TBKBP1: variants seen among roughly 807,000 people sequenced by gnomAD.
TBKBP1 encodes TANK-binding kinase 1-binding protein 1.
In TBKBP1, 47 loss-of-function variants were observed where a neutral mutation model predicts 69.9. That is an observed-to-expected ratio of 0.67 (90% confidence interval 0.53 to 0.86). The LOEUF (loss-of-function observed/expected upper bound fraction) is 0.86, where lower values mean the gene tolerates loss of function less well. Ranked by LOEUF, TBKBP1 falls within the 40% of genes least tolerant of loss-of-function variation. TBKBP1 has a pLI of 0.00. For synonymous variants in TBKBP1, 418 were observed against 390.3 expected, an observed-to-expected ratio of 1.07 and a Z score of -0.84; for missense variants, 831 against 858.6, an observed-to-expected ratio of 0.97 and a Z score of 0.40.
Position 47,698,732 on chromosome 17 carries a change from C to A in TBKBP1, c.591C>A (p.Asp197Glu). 6.3e-7 allele frequency: 1 copy of A among 1,599,652 alleles called. No individual in the cohort carries two copies. The highest frequency in any genetic ancestry group is 1.3e-5 in the African/African-American group (1 of 74,596). Residue 197 changes from aspartate to glutamate, a missense_variant, in exon 5 of 10, where the codon GAC becomes GAA. Asp to Glu is a conservative substitution (Grantham distance 45, BLOSUM62 2). Transcript: ENST00000578982. ...PAPAPPCTDL[D>E]LHYLALRGGS... ...CCGCCCCTCCCTGCACTGATTTAGA[C>A]CTGCACTACCTGGCACTGAGAGGGG... is the stretch of plus-strand genomic sequence containing the variant.
intron 4 of TBKBP1, among the ~76,000 whole-genome samples, chr17:47,698,101 C>CGTT (rs1397745099): frequency 6.6e-5 from 10 of 151,992 alleles, no homozygotes; most frequent in African/African-American, 2.2e-4. Flanking sequence ...GGTGATGGGG[C>CGTT]ATTCATGTAT....
Position 47,708,529 on chromosome 17 carries a change from C to T in TBKBP1, c.991+17C>T. Reference sequence around the variant, plus strand: ...GGAGTGGCGGTGAGATGGGGCAGGGCAGGGGGAGGCAGCCGCGGGACCCGG... The same window carrying T: ...GGAGTGGCGGTGAGATGGGGCAGGGTAGGGGGAGGCAGCCGCGGGACCCGG... On this transcript the variant is annotated intron_variant, in intron 8 of 9. Coordinates refer to ENST00000578982, the MANE Select transcript of TBKBP1 (RefSeq NM_001394755.1). The surrounding 1 kb of genome is among the most constrained non-coding windows in gnomAD (Gnocchi z 4.4). 1 of 1,611,508 alleles carries T rather than the reference C, an allele frequency of 6.2e-7. No individual in the cohort carries two copies. Among genetic ancestry groups the T allele is most frequent in the Non-Finnish European group, 8.5e-7 (1 of 1,178,222 alleles).
chr17:47,701,523 A>G (rs903005848), intron 7 of TBKBP1, among the ~76,000 whole-genome samples: 2 of 152,254 alleles, frequency 1.3e-5, no homozygotes, highest in African/African-American at 4.8e-5. Flanking sequence ...AAGGGAGGAC[A>G]TTTTGGTGGG....
At position 47,697,070 on chromosome 17, in the gene TBKBP1, C is replaced by A. The variant is rs759462548; in HGVS notation, c.349-19C>A. 7.0e-5 allele frequency: 112 copies of A among 1,597,926 alleles called. No individual in the cohort carries two copies. The highest frequency in any genetic ancestry group is 9.0e-5 in the Non-Finnish European group (105 of 1,172,306). On this transcript the variant is annotated intron_variant, in intron 3 of 9. Coordinates refer to ENST00000578982, the MANE Select transcript of TBKBP1 (RefSeq NM_001394755.1). ...GTGTGGGACTGACCCTGTGGTGGGG[C>A]CCTCTGGGCCTCATCCAGTTACAGA... is the stretch of plus-strand genomic sequence containing the variant.
At chr17:47,699,992 T>A (rs2031428887) in intron 7 of TBKBP1, among the ~76,000 whole-genome samples, 1 of 150,124 alleles carries the variant, frequency 6.7e-6, no homozygotes, top group Non-Finnish European at 1.5e-5. Flanking sequence ...CTAGCTAATT[T>A]TTTTTTTTTT....
chr17:47,708,643 C>T lies in TBKBP1; in HGVS notation c.992-82C>T. On this transcript the variant is annotated intron_variant, in intron 8 of 9. Coordinates refer to ENST00000578982, the MANE Select transcript of TBKBP1 (RefSeq NM_001394755.1). This position sits in a 1 kb window ranked among gnomAD's most constrained non-coding sequence, Gnocchi z 4.4. ...TGGCCTGGAGTTGGTGGGCATGGGT[C>T]CGGGCAAGCCCCTGGCGCTCCAGTT... The T allele has an allele frequency of 2.1e-6, 3 of 1,415,292 alleles. No individual in the cohort carries two copies. Among genetic ancestry groups the T allele is most frequent in the Non-Finnish European group, 1.9e-6 (2 of 1,052,912 alleles). 87.7% of individuals were successfully genotyped at this position (1,415,292 alleles called of 1,614,324 possible).
In TBKBP1 at chr17:47,699,899, C is replaced by T. The variant is rs140510953; in HGVS notation, c.872+202C>T. Among the ~76,000 whole-genome samples, 403 of 151,210 alleles carry T rather than the reference C, an allele frequency of 2.7e-3. 2 individuals are homozygous for T. The highest frequency in any genetic ancestry group is 8.8e-3 in the African/African-American group (362 of 41,204). On this transcript the variant is annotated intron_variant, in intron 7 of 9. Transcript: ENST00000578982. ...GTGCAATGGCGTGATCTTGGCTCAC[C>T]GCAACCTCTGCCTCTCGGGTTCAAG...
At chr17:47,698,336 C>T (rs892221683) in intron 4 of TBKBP1, among the ~76,000 whole-genome samples, 2 of 152,186 alleles carry the variant, frequency 1.3e-5, no homozygotes, top group African/African-American at 4.8e-5. Context: ...GGCTGGCCTC[C>T]AAACAGGGGG....
chr17:47,698,114 A>T (rs767348161), intron 4 of TBKBP1, among the ~76,000 whole-genome samples: 7 of 152,056 alleles, frequency 4.6e-5, no homozygotes, highest in Non-Finnish European at 8.8e-5. Flanking sequence ...TCATGTATAG[A>T]TGCTTTGCCT....
intron 1 of TBKBP1, chr17:47,695,735 G>A (rs2031199819): frequency 5.1e-6 from 1 of 195,360 alleles, no homozygotes; most frequent in Admixed American, 5.5e-5. Context: ...GAAGCGCGGA[G>A]GAATGGGCCG....
In TBKBP1 at chr17:47,708,855, G is replaced by GC; in HGVS notation, c.1127dup (p.Cys377ValfsTer88). On this transcript the variant is annotated frameshift_variant, in exon 9 of 10. Transcript: ENST00000578982. LOFTEE classifies it high-confidence loss of function. This position sits in a 1 kb window ranked among gnomAD's most constrained non-coding sequence, Gnocchi z 4.4. ...CCGTCCCCCAGCGCCGCTCTCCCGT[G>GC]CCCCCGTGCCCCTCGCCGCAGCAGC... is the stretch of plus-strand genomic sequence containing the variant. The GC allele has an allele frequency of 7.1e-7, 1 of 1,414,388 alleles. No individual in the cohort carries two copies. The highest frequency in any genetic ancestry group is 9.2e-7 in the Non-Finnish European group (1 of 1,089,794). The allele number at this position is 1,414,388 out of a possible 1,614,324, so 87.6% of individuals were successfully genotyped here.
In TBKBP1 at chr17:47,711,344, C is replaced by G. The variant is rs1161623719; in HGVS notation, c.*718C>G. On this transcript the variant is annotated 3_prime_UTR_variant, in exon 10 of 10. Coordinates refer to ENST00000578982, the MANE Select transcript of TBKBP1 (RefSeq NM_001394755.1). ...AGGGCCAGGGCCCTACAGCATGCCCCTACGGCCAGGGGACTGTCTGCCAGC... is the reference window on the plus strand; with the variant it reads ...AGGGCCAGGGCCCTACAGCATGCCCGTACGGCCAGGGGACTGTCTGCCAGC... The G allele has an allele frequency of 1.3e-5, 2 of 152,770 alleles. No homozygotes were observed. Among genetic ancestry groups the G allele is most frequent in the Non-Finnish European group, 2.9e-5 (2 of 68,156 alleles). 9.5% of individuals were successfully genotyped at this position (152,770 alleles called of 1,614,324 possible).
At chr17:47,695,748 C>T (rs1008545283) in intron 1 of TBKBP1, 36 of 207,200 alleles carry the variant, frequency 1.7e-4, no homozygotes, top group Middle Eastern at 1.7e-3. Context: ...ATGGGCCGGG[C>T]CCGGCTGGGA....
intron 1 of TBKBP1, 80 bp from the exon 2 acceptor site, chr17:47,695,999 G>C (rs1389928712): frequency 2.6e-6 from 2 of 783,448 alleles, no homozygotes; most frequent in Non-Finnish European, 4.0e-6. Context: ...CGGCCCCAGG[G>C]AGTGCAGAGC....
Position 47,698,627 on chromosome 17 carries a change from C to A in TBKBP1, c.486C>A (p.Ile162=). The part of the protein sequence containing the change: ...RALVETHLRQ[I]CGLEQQLRQQ... ...TGGTGGAGACGCACCTGCGTCAGATCTGTGGTTTGGAGCAGCAGCTGCGGC... is the reference window on the plus strand; with the variant it reads ...TGGTGGAGACGCACCTGCGTCAGATATGTGGTTTGGAGCAGCAGCTGCGGC... The change falls in exon 5 of 10, where the codon ATC becomes ATA. Residue 162 remains isoleucine, a synonymous_variant. Coordinates refer to ENST00000578982, the MANE Select transcript of TBKBP1 (RefSeq NM_001394755.1). 1 of 1,600,394 alleles carries A rather than the reference C, an allele frequency of 6.2e-7. No homozygotes were observed. The highest frequency in any genetic ancestry group is 8.5e-7 in the Non-Finnish European group (1 of 1,173,660).
At chr17:47,698,855 C>T (rs1312405548) in intron 5 of TBKBP1, 80 bp downstream of exon 5, 11 of 1,274,932 alleles carry the variant, frequency 8.6e-6, no homozygotes, top group Non-Finnish European at 1.2e-5. Flanking sequence ...CACTTACTTA[C>T]CATCCCATTT....
At chr17:47,705,741 C>T (rs2143329949) in intron 7 of TBKBP1, among the ~76,000 whole-genome samples, 2 of 152,360 alleles carry the variant, frequency 1.3e-5, no homozygotes, top group South Asian at 4.1e-4. Flanking sequence ...TTCAGCGGCC[C>T]AGGCCTGTGC....
intron 7 of TBKBP1, among the ~76,000 whole-genome samples, chr17:47,705,144 T>C (rs981321347): frequency 9.2e-4 from 140 of 152,342 alleles, no homozygotes; most frequent in African/African-American, 3.2e-3. Flanking sequence ...CCTCTTCGTC[T>C]TTCCCTTCTG....
rs191911478 is a variant in TBKBP1, at chr17:47,704,460, C to T, written c.873-3934C>T. On this transcript the variant is annotated intron_variant, in intron 7 of 9. Coordinates refer to ENST00000578982, the MANE Select transcript of TBKBP1 (RefSeq NM_001394755.1). ...GCGGGAAGACTGATGCTGGGTGTGC[C>T]TGTGGGTGGTGGAAAGTTTGGTCCC... Among the ~76,000 whole-genome samples, 664 of 152,326 alleles carry T rather than the reference C, an allele frequency of 4.4e-3. 13 individuals carry two copies. Among genetic ancestry groups the T allele is most frequent in the Non-Finnish European group, 1.6e-3 (110 of 68,030 alleles).
Sources: allele counts gnomAD v4.1 joint callset (sites outside exome capture counted in the v4.1 genomes callset), GRCh38; gene constraint gnomAD v4.1.1; non-coding constraint Gnocchi (gnomAD v3.1); transcripts MANE v1.5; gene names NCBI Gene and HGNC (gene_info 2026-07-23, HGNC 2026-07-21).